The following ITIH3 variants were observed in gnomAD, a reference collection of about 807,000 sequenced individuals.
ITIH3 encodes inter-alpha-trypsin inhibitor heavy chain H3.
Under a neutral mutation model 96.5 loss-of-function variants are expected in ITIH3, and 81 were observed. The ratio of observed to expected loss-of-function variants is 0.84; its 90% CI spans 0.70 to 1.01. The LOEUF (loss-of-function observed/expected upper bound fraction) is 1.01. Among genes scored for constraint, ITIH3 ranks in the 50% least tolerant of loss-of-function variants. The pLI is 0.00. For synonymous variants in ITIH3, 422 were observed against 445.2 expected, an observed-to-expected ratio of 0.95 and a Z score of 0.66; for missense variants, 1,057 against 1,139.3, an observed-to-expected ratio of 0.93 and a Z score of 1.04.
rs757105549 is a variant in ITIH3 at position 52,808,539 on chromosome 3, C to T, written c.2544-13C>T. 6.2e-7 allele frequency: 1 copy of T among 1,612,490 alleles called. No individual in the cohort carries two copies. Among genetic ancestry groups the T allele is most frequent in the Non-Finnish European group, 8.5e-7 (1 of 1,178,648 alleles). ...CCACCCCGTGTATTGCAGCATCTCT[C>T]TTCTTTCCCCAGGGGCTCCCAGAAA... On this transcript the variant is annotated splice_polypyrimidine_tract_variant and intron_variant, in intron 21 of 21. Transcript: ENST00000449956.
chr3:52,800,455 G>A (rs1031038825), intron 9 of ITIH3, 83 bp from the exon 10 acceptor site: 22 of 1,513,806 alleles, frequency 1.5e-5, no homozygotes, highest in African/African-American at 1.2e-4. Context: ...GGGGCCGGCT[G>A]TCCCGGCCTC....
At chr3:52,806,811 A>G in intron 18 of ITIH3, 90 bp from the exon 19 acceptor site, 1 of 1,029,068 alleles carries the variant, frequency 9.7e-7, no homozygotes, top group Non-Finnish European at 1.5e-6. Flanking sequence ...CCCCTCAGCC[A>G]GTCTGGTTGA....
chr3:52,797,834 C>T lies in ITIH3; in HGVS notation c.567C>T (p.Phe189=), dbSNP rs749158060. 9.3e-6 allele frequency: 15 copies of T among 1,605,792 alleles called. No homozygotes were observed. The highest frequency in any genetic ancestry group is 8.9e-5 in the East Asian group (4 of 44,706). ...VKHFEIEVDI[F]EPQGISMLDA... is the part of the protein sequence containing the mutation. ...CATTTCAGATCGAGGTAGACATCTTCGAGCCTCAGGGAATCAGCATGCTGG... is the reference window on the plus strand; with the variant it reads ...CATTTCAGATCGAGGTAGACATCTTTGAGCCTCAGGGAATCAGCATGCTGG... Residue 189 remains phenylalanine, a synonymous_variant, in exon 6 of 22, where the codon TTC becomes TTT. Transcript: ENST00000449956.
At position 52,802,452 on chromosome 3, in the gene ITIH3, T is replaced by C; in HGVS notation, c.1502T>C (p.Ile501Thr). Residue 501 changes from isoleucine (I) to threonine (T), a missense_variant, in exon 12 of 22, where the codon ATC becomes ACC. Transcript: ENST00000449956. ...CAGCACTTCTACGATGGCTCTGAGA[T>C]CGTGGTGGCCGGGCGCCTGGTGGAC... is the stretch of plus-strand genomic sequence containing the variant. ...TYQHFYDGSE[I>T]VVAGRLVDED... 1.9e-6 allele frequency: 3 copies of C among 1,613,794 alleles called. No homozygotes were observed. Among genetic ancestry groups the C allele is most frequent in the Non-Finnish European group, 2.5e-6 (3 of 1,179,850 alleles).
chr3:52,807,100 GGATGGGTAA>G lies in ITIH3; in HGVS notation c.2258_2261+5del. 1 of 1,587,656 alleles carries G rather than the reference GGATGGGTAA, an allele frequency of 6.3e-7. No individual in the cohort carries two copies. The highest frequency in any genetic ancestry group is 8.6e-7 in the Non-Finnish European group (1 of 1,167,364). ...GGCTGGACACAGTCACAGTCACGCA[GGATGGGTAA>G]GCTCCCCTACAAGGTCTCCAAGGTG... On this transcript the variant is annotated splice_donor_variant and splice_donor_region_variant and coding_sequence_variant and intron_variant, in exon 19 of 22. Transcript: ENST00000449956. LOFTEE classifies it high-confidence loss of function.
chr3:52,804,070 T>C, intron 14 of ITIH3, 61 bp downstream of exon 14: 2 of 1,557,486 alleles, frequency 1.3e-6, no homozygotes, highest in Non-Finnish European at 1.7e-6. Context: ...CCTACCTGGG[T>C]GTCCAGTGGA....
At position 52,797,914 on chromosome 3, in the gene ITIH3, C is replaced by A. The variant is rs114325431; in HGVS notation, c.647C>A (p.Ser216Tyr). The change falls in exon 6 of 22, where the codon TCC becomes TAC. Residue 216 changes from serine to tyrosine, a missense_variant. Ser to Tyr is a moderately radical substitution (Grantham distance 144). Transcript: ENST00000449956. Reference protein sequence around the residue: ...NDLLGSALTKSFSGKKGHVSF... With the variant: ...NDLLGSALTKYFSGKKGHVSF... Reference sequence around the variant, plus strand: ...CTCCTGGGAAGCGCCCTCACCAAGTCCTTCTCAGGGAAAAAGGTGATGTAG... The same window carrying A: ...CTCCTGGGAAGCGCCCTCACCAAGTACTTCTCAGGGAAAAAGGTGATGTAG... 1,475 of 1,598,546 alleles carry A rather than the reference C, an allele frequency of 9.2e-4. 14 individuals carry two copies. The African/African-American group carries it at 0.018, about 19-fold the overall frequency.
intron 14 of ITIH3, chr3:52,804,438 C>A: frequency 2.1e-6 from 1 of 468,514 alleles, no homozygotes; most frequent in Non-Finnish European, 3.8e-6. Flanking sequence ...GATTGCCCTA[C>A]TCAACAGGGG....
chr3:52,796,183 C>T (rs759808083), intron 2 of ITIH3: 22 of 348,742 alleles, frequency 6.3e-5, no homozygotes, highest in Non-Finnish European at 1.1e-4. Context: ...CAGTGTCCCA[C>T]GCATAGCTGG....
Position 52,808,126 on chromosome 3 carries a change from C to T in ITIH3, c.2448C>T (p.Pro816=), listed in dbSNP as rs767743063. Reference sequence around the variant, plus strand: ...TCTTCCCAGGGCAATTCTTCCAACCCTTTGACTTTAAAGTGTCTGACATCC... The same window carrying T: ...TCTTCCCAGGGCAATTCTTCCAACCTTTTGACTTTAAAGTGTCTGACATCC... ...THGLLGQFFQ[P]FDFKVSDIRP... Residue 816 remains proline (P), a synonymous_variant, in exon 21 of 22, where the codon CCC becomes CCT. Coordinates refer to ENST00000449956, the MANE Select transcript of ITIH3 (RefSeq NM_002217.4). 2 of 1,614,050 alleles carry T rather than the reference C, an allele frequency of 1.2e-6. No individual in the cohort carries two copies. Among genetic ancestry groups the T allele is most frequent in the Non-Finnish European group, 1.7e-6 (2 of 1,179,992 alleles).
intron 20 of ITIH3, 94 bp downstream of exon 20, chr3:52,808,010 C>A: frequency 1.9e-6 from 3 of 1,570,322 alleles, no homozygotes; most frequent in Non-Finnish European, 2.6e-6. Flanking sequence ...ACCCAGCTCA[C>A]AACACCCCAT....
Position 52,797,147 on chromosome 3 carries a change from C to T in ITIH3, c.429C>T (p.Asn143=), listed in dbSNP as rs369892293. 22 of 1,609,886 alleles carry T rather than the reference C, an allele frequency of 1.4e-5. No individual in the cohort carries two copies. Among genetic ancestry groups the T allele is most frequent in the South Asian group, 3.3e-5 (3 of 89,954 alleles). The stretch of plus-strand genomic sequence containing the variant: ...TGGAGAAGTTCACAGTCTCGGTCAA[C>T]GTGGCTGCAGGCAGCAAAGTCACCT... ...RKLEKFTVSV[N]VAAGSKVTFE... is the part of the protein sequence containing the mutation. The change falls in exon 5 of 22, where the codon AAC becomes AAT. Residue 143 remains asparagine, a synonymous_variant. Coordinates refer to ENST00000449956, the MANE Select transcript of ITIH3 (RefSeq NM_002217.4).
chr3:52,794,970 C>T, intron 1 of ITIH3, 74 bp downstream of exon 1: 1 of 1,225,892 alleles, frequency 8.2e-7, no homozygotes, highest in South Asian at 1.2e-5. Flanking sequence ...GGCAAGGCCT[C>T]TGAGTGGAGT....
rs548563227 is a variant in ITIH3 at position 52,802,457 on chromosome 3, G to A, written c.1507G>A (p.Val503Met). ...CTTCTACGATGGCTCTGAGATCGTG[G>A]TGGCCGGGCGCCTGGTGGACGAGGA... ...QHFYDGSEIV[V>M]AGRLVDEDMN... The change falls in exon 12 of 22, where the codon GTG (valine) becomes ATG (methionine). Residue 503 changes from valine (V) to methionine (M), a missense_variant. Transcript: ENST00000449956. 1.1e-5 allele frequency: 18 copies of A among 1,614,028 alleles called. No individual in the cohort carries two copies. In the African/African-American group the frequency reaches 2.1e-4, roughly 19 times the overall value.
rs575769838 is a variant in ITIH3, at chr3:52,796,562, A to G, written c.196A>G (p.Arg66Gly). The change falls in exon 3 of 22, where the codon AGA (arginine) becomes GGA (glycine). Residue 66 changes from arginine to glycine, a missense_variant. Coordinates refer to ENST00000449956, the MANE Select transcript of ITIH3 (RefSeq NM_002217.4). Reference protein sequence around the residue: ...SRFAHNVVTMRAVNRADTAKE... With the variant: ...SRFAHNVVTMGAVNRADTAKE... ...TTTTGCTCACAATGTTGTCACCATG[A>G]GAGCCGTCAACCGTGCAGACACGGC... 6.2e-7 allele frequency: 1 copy of G among 1,613,702 alleles called. No individual in the cohort carries two copies. Among genetic ancestry groups the G allele is most frequent in the East Asian group, 2.2e-5 (1 of 44,870 alleles).
rs553320981 is a variant in ITIH3 at position 52,803,987 on chromosome 3, C to G, written c.1842C>G (p.Ala614=). ...TKPEDNEDER[A]IADKPGEDAE... ...CTGAGGACAACGAGGATGAGAGGGC[C>G]ATTGCCGACAAGCCTGGGGAAGGTG... The change falls in exon 14 of 22, where the codon GCC becomes GCG. Residue 614 remains alanine (A), a synonymous_variant. Coordinates refer to ENST00000449956, the MANE Select transcript of ITIH3 (RefSeq NM_002217.4). 1 of 1,613,402 alleles carries G rather than the reference C, an allele frequency of 6.2e-7. No homozygotes were observed. The highest frequency in any genetic ancestry group is 2.2e-5 in the East Asian group (1 of 44,862).
intron 18 of ITIH3, among the ~76,000 whole-genome samples, chr3:52,806,608 C>T (rs906419168): frequency 6.6e-6 from 1 of 152,188 alleles, no homozygotes; most frequent in Non-Finnish European, 1.5e-5. Flanking sequence ...AGATGATTAG[C>T]GTGAATGGAC....
intron 13 of ITIH3, 80 bp downstream of exon 13, chr3:52,802,886 C>G (rs747399880): frequency 1.3e-6 from 2 of 1,501,776 alleles, no homozygotes; most frequent in Non-Finnish European, 1.8e-6. Flanking sequence ...GCAGTCCCAG[C>G]GGTCCTGCCC....
At chr3:52,804,104 C>A in intron 14 of ITIH3, 95 bp downstream of exon 14, 1 of 1,357,242 alleles carries the variant, frequency 7.4e-7, no homozygotes, top group Non-Finnish European at 1.0e-6. Flanking sequence ...CTGGGGAGAC[C>A]CAGACCTGCT....
Sources: gnomAD v4.1 joint callset for allele counts (sites outside exome capture counted in the v4.1 genomes callset) on GRCh38, gnomAD v4.1.1 for gene constraint, MANE v1.5 for transcripts, NCBI Gene and HGNC (gene_info 2026-07-23, HGNC 2026-07-21) for gene names.